The following CTNND2 variants were observed in gnomAD, a reference collection of about 807,000 sequenced individuals.
CTNND2 encodes catenin delta-2.
CTNND2 carries 22 observed loss-of-function variants against 144.4 expected under a neutral mutation model. The observed-to-expected ratio is 0.15, with a 90% CI of 0.11 to 0.22. The LOEUF (loss-of-function observed/expected upper bound fraction) is 0.22. Among genes scored for constraint, CTNND2 ranks in the 10% least tolerant of loss-of-function variants. The probability of loss-of-function intolerance (pLI) is 1.00; values close to 1 mark genes in which losing one functional copy is unlikely to be tolerated. For missense variants in CTNND2, 1,353 were observed against 1,618.8 expected, an observed-to-expected ratio of 0.84 and a Z score of 2.82; for synonymous variants, 751 against 695.6, an observed-to-expected ratio of 1.08 and a Z score of -1.25.
intron 3 of CTNND2, among the ~76,000 whole-genome samples, chr5:11,440,661 A>G (rs1376976376): frequency 6.6e-6 from 1 of 152,238 alleles, no homozygotes; most frequent in Non-Finnish European, 1.5e-5. Context: ...TAATACCAGC[A>G]TTATAAAATA....
intron 1 of CTNND2, among the ~76,000 whole-genome samples, chr5:11,880,885 A>T (rs1736043662): frequency 6.8e-6 from 1 of 146,846 alleles, no homozygotes; most frequent in African/African-American, 2.5e-5. Flanking sequence ...TACTAGTACT[A>T]CTACTACTAC....
intron 12 of CTNND2, among the ~76,000 whole-genome samples, chr5:11,156,299 T>A (rs1758218736): frequency 6.6e-6 from 1 of 152,176 alleles, no homozygotes; most frequent in Non-Finnish European, 1.5e-5. Flanking sequence ...GTGACCTCTT[T>A]AAAAACACTA....
At chr5:11,790,648 G>A (rs1561799200) in intron 1 of CTNND2, among the ~76,000 whole-genome samples, 2 of 152,204 alleles carry the variant, frequency 1.3e-5, no homozygotes, top group Non-Finnish European at 2.9e-5. Flanking sequence ...CTTGGTCTCT[G>A]CATGTTGAGT....
intron 1 of CTNND2, among the ~76,000 whole-genome samples, chr5:11,857,610 A>T (rs1795311897): frequency 6.6e-6 from 1 of 152,172 alleles, no homozygotes; most frequent in African/African-American, 2.4e-5. Context: ...GTTATCTATG[A>T]TCTTTGGGGT....
intron 3 of CTNND2, among the ~76,000 whole-genome samples, chr5:11,458,073 T>C (rs31953): frequency 0.04 from 6,102 of 152,260 alleles, 411 homozygotes; most frequent in African/African-American, 0.14. Context: ...TGAGTTCATA[T>C]GTGAAAGAGC....
At chr5:11,323,169 G>A (rs1752200285) in intron 9 of CTNND2, among the ~76,000 whole-genome samples, 1 of 144,486 alleles carries the variant, frequency 6.9e-6, no homozygotes, top group Non-Finnish European at 1.5e-5. Flanking sequence ...TTCCCGAGCA[G>A]CCAGGACTAC....
chr5:11,051,032 G>A (rs1745777809), intron 16 of CTNND2, among the ~76,000 whole-genome samples: 1 of 152,206 alleles, frequency 6.6e-6, no homozygotes. Flanking sequence ...GCTATAGGAA[G>A]CTCAGAATAG....
At chr5:11,724,470 T>C (rs1220837567) in intron 2 of CTNND2, among the ~76,000 whole-genome samples, 3 of 152,204 alleles carry the variant, frequency 2.0e-5, no homozygotes, top group Non-Finnish European at 4.4e-5. Flanking sequence ...TGTGGTATTA[T>C]TTAACAAAAT....
chr5:11,626,873 T>C (rs975620383), intron 2 of CTNND2, among the ~76,000 whole-genome samples: 3 of 152,240 alleles, frequency 2.0e-5, no homozygotes, highest in Non-Finnish European at 2.9e-5. Flanking sequence ...AGTGTTTTAA[T>C]TCTAAGTTTT....
At chr5:11,081,086 A>ACACACACACACACACT (rs1554039103) in intron 16 of CTNND2, among the ~76,000 whole-genome samples, 4,189 of 148,428 alleles carry the variant, frequency 0.028, 79 homozygotes, top group Non-Finnish European at 0.042. Context: ...ACACACACAC[A>ACACACACACACACACT]CACACACACA....
At chr5:11,713,583 CAAAAAAA>C (rs1165519277) in intron 2 of CTNND2, among the ~76,000 whole-genome samples, 5 of 57,876 alleles carry the variant, frequency 8.6e-5, no homozygotes, top group African/African-American at 2.8e-4. Flanking sequence ...GACTCCATCT[CAAAAAAA>C]AAAAAAAAAA....
At chr5:11,824,650 C>A (rs998100051) in intron 1 of CTNND2, among the ~76,000 whole-genome samples, 5 of 152,096 alleles carry the variant, frequency 3.3e-5, no homozygotes, top group African/African-American at 1.2e-4. Flanking sequence ...ATCAGAGATG[C>A]CGACGAGGTC....
At chr5:11,346,350 A>T in intron 9 of CTNND2, 22 bp downstream of exon 9, 1 of 1,414,618 alleles carries the variant, frequency 7.1e-7, no homozygotes, top group Non-Finnish European at 9.3e-7. Context: ...CATCATAGGG[A>T]AAGAAAAAGG....
intron 3 of CTNND2, among the ~76,000 whole-genome samples, chr5:11,424,180 C>T (rs1581165067): frequency 6.6e-6 from 1 of 152,156 alleles, no homozygotes; most frequent in East Asian, 1.9e-4. Context: ...AGGTTACACA[C>T]ACTGATACAT....
At chr5:11,256,563 G>A (rs147670731) in intron 9 of CTNND2, among the ~76,000 whole-genome samples, 2 of 152,262 alleles carry the variant, frequency 1.3e-5, no homozygotes, top group Non-Finnish European at 2.9e-5. Flanking sequence ...ACTATTCCAA[G>A]ATAAAGTCAT....
chr5:11,661,098 G>A (rs1046380287), intron 2 of CTNND2, among the ~76,000 whole-genome samples: 4 of 152,032 alleles, frequency 2.6e-5, no homozygotes, highest in East Asian at 1.9e-4. Flanking sequence ...GTGGCTTTCC[G>A]AATGGCCTAA....
intron 16 of CTNND2, among the ~76,000 whole-genome samples, chr5:11,050,989 G>T (rs1242274880): frequency 1.3e-5 from 2 of 152,150 alleles, no homozygotes; most frequent in Non-Finnish European, 2.9e-5. Context: ...TTAAGTCTCT[G>T]CCAAAACACA....
intron 3 of CTNND2, among the ~76,000 whole-genome samples, chr5:11,442,814 T>C (rs1369259477): frequency 2.1e-5 from 3 of 143,962 alleles, no homozygotes; most frequent in African/African-American, 7.6e-5. Flanking sequence ...TAATTTTATA[T>C]AATATATAAT....
intron 1 of CTNND2, among the ~76,000 whole-genome samples, chr5:11,765,040 C>CG (rs1163439465): frequency 6.7e-6 from 1 of 149,824 alleles, no homozygotes; most frequent in East Asian, 2.0e-4. Flanking sequence ...TCCTGCCCCC[C>CG]CCACCCTCCC....
Sources: allele counts gnomAD v4.1 joint callset (sites outside exome capture counted in the v4.1 genomes callset), GRCh38; gene constraint gnomAD v4.1.1; transcripts MANE v1.5; gene names NCBI Gene and HGNC (gene_info 2026-07-23, HGNC 2026-07-21).